Variants in SEMA4B observed in about 807,000 individuals in gnomAD.
SEMA4B encodes semaphorin-4B.
A neutral mutation model predicts 88.1 loss-of-function variants in SEMA4B; 55 were observed. That is an observed-to-expected ratio of 0.62 (90% CI 0.50 to 0.78). The LOEUF (loss-of-function observed/expected upper bound fraction) is 0.78, where lower values mean the gene tolerates loss of function less well. SEMA4B is among the 30% of genes least tolerant of loss of function. The pLI is 0.00. For synonymous variants in SEMA4B, 525 were observed against 473.6 expected, an observed-to-expected ratio of 1.11 and a Z score of -1.41; for missense variants, 1,062 against 1,111.9, an observed-to-expected ratio of 0.96 and a Z score of 0.64.
chr15:90,193,944 C>T (rs1462566294), intron 1 of SEMA4B, among the ~76,000 whole-genome samples: 2 of 151,604 alleles, frequency 1.3e-5, no homozygotes, highest in Admixed American at 6.6e-5. Flanking sequence ...CTCTGTCTCC[C>T]GGGTTCAAGC....
chr15:90,209,942 A>C (rs1961182695), intron 1 of SEMA4B, among the ~76,000 whole-genome samples: 1 of 152,136 alleles, frequency 6.6e-6, no homozygotes, highest in South Asian at 2.1e-4. Flanking sequence ...GTGCTATTGA[A>C]GTTTTTAGGC....
Position 90,225,078 on chromosome 15 carries a change from C to A in SEMA4B, c.1305C>A (p.Ser435Arg). 6.2e-7 allele frequency: 1 copy of A among 1,613,882 alleles called. No individual in the cohort carries two copies. Among genetic ancestry groups the A allele is most frequent in the Non-Finnish European group, 8.5e-7 (1 of 1,179,854 alleles). ...DHFLMDGQVR[S>R]RMLLLQPQAR... Reference sequence around the variant, plus strand: ...TCCTGATGGACGGGCAGGTCCGAAGCCGCATGCTGCTGCTGCAGCCCCAGG... The same window carrying A: ...TCCTGATGGACGGGCAGGTCCGAAGACGCATGCTGCTGCTGCAGCCCCAGG... Residue 435 changes from serine (S) to arginine (R), a missense_variant, in exon 10 of 14, where the codon AGC becomes AGA. Transcript: ENST00000411539.
rs751062515 is a variant in SEMA4B at position 90,228,741 on chromosome 15, C to T, written c.*98C>T. 1.9e-5 allele frequency: 29 copies of T among 1,506,588 alleles called. No individual in the cohort carries two copies. Among genetic ancestry groups the T allele is most frequent in the South Asian group, 2.4e-5 (2 of 82,942 alleles). 93.3% of individuals were successfully genotyped at this position (1,506,588 alleles called of 1,614,324 possible). On this transcript the variant is annotated 3_prime_UTR_variant, in exon 14 of 14. Transcript: ENST00000411539. The stretch of plus-strand genomic sequence containing the variant: ...CCTCCGCTCTGCTCTTCGTGGAACA[C>T]GACCGTGGTGCCCGGCCCTTGGGAG...
intron 1 of SEMA4B, among the ~76,000 whole-genome samples, chr15:90,215,283 A>G (rs1961480564): frequency 6.6e-6 from 1 of 151,548 alleles, no homozygotes; most frequent in Non-Finnish European, 1.5e-5. Context: ...CTTATTAGAG[A>G]ATCTAAAAAT....
chr15:90,225,919 A>G (rs2151627517), intron 12 of SEMA4B, 92 bp downstream of exon 12: 1 of 1,031,802 alleles, frequency 9.7e-7, no homozygotes, highest in Non-Finnish European at 1.3e-6. Context: ...ACCGCCACAC[A>G]GCCTCGTTTA....
intron 1 of SEMA4B, among the ~76,000 whole-genome samples, chr15:90,213,178 A>G (rs1961357189): frequency 6.6e-6 from 1 of 152,196 alleles, no homozygotes; most frequent in Non-Finnish European, 1.5e-5. Flanking sequence ...GCAAAGTGTT[A>G]TTATTTTCCC....
At chr15:90,195,926 T>TTTTTTCTTTTTC (rs1960486702) in intron 1 of SEMA4B, among the ~76,000 whole-genome samples, 1 of 111,420 alleles carries the variant, frequency 9.0e-6, no homozygotes, top group Non-Finnish European at 1.7e-5. Context: ...GTACTTCTCT[T>TTTTTTCTTTTTC]TTTTTTTTTT....
chr15:90,200,148 C>G (rs1960651932), upstream of SEMA4B, among the ~76,000 whole-genome samples: 1 of 152,186 alleles, frequency 6.6e-6, no homozygotes, highest in African/African-American at 2.4e-5. Flanking sequence ...GGGTGCTGTG[C>G]CCACCCTCTT....
At chr15:90,188,754 GC>G (rs1308480135) in intron 1 of SEMA4B, among the ~76,000 whole-genome samples, 1 of 151,826 alleles carries the variant, frequency 6.6e-6, no homozygotes, top group African/African-American at 2.4e-5. Context: ...TGCAAGCTCC[GC>G]CCCCCGGATT....
chr15:90,201,253 C>T, upstream of SEMA4B: 1 of 1,013,924 alleles, frequency 9.9e-7, no homozygotes, highest in South Asian at 4.7e-5. Context: ...CTGCCAGCGC[C>T]CGGGAAGGAG....
rs1962304438 is a variant in SEMA4B at position 90,228,371 on chromosome 15, C to G, written c.2242C>G (p.Leu748Val). The G allele has an allele frequency of 6.2e-7, 1 of 1,600,214 alleles. No homozygotes were observed. Among genetic ancestry groups the G allele is most frequent in the Admixed American group, 1.7e-5 (1 of 58,550 alleles). ...YRHRNSMKVFLKQGECASVHP... is the reference protein window; with the variant it reads ...YRHRNSMKVFVKQGECASVHP... The stretch of plus-strand genomic sequence containing the variant: ...GCACCGGAACAGCATGAAAGTCTTC[C>G]TGAAGCAGGGGGAATGTGCCAGCGT... The change falls in exon 14 of 14, where the codon CTG (leucine) becomes GTG (valine). Residue 748 changes from leucine (L) to valine (V), a missense_variant. Coordinates refer to ENST00000411539, the MANE Select transcript of SEMA4B (RefSeq NM_198925.4).
chr15:90,201,961 G>C (rs1216622215), intron 1 of SEMA4B, among the ~76,000 whole-genome samples: 2 of 152,232 alleles, frequency 1.3e-5, no homozygotes, highest in Non-Finnish European at 2.9e-5. Flanking sequence ...CGTAGGGATG[G>C]GGTCTAGCCC....
intron 1 of SEMA4B, among the ~76,000 whole-genome samples, chr15:90,208,019 G>A (rs1269777721): frequency 7.2e-5 from 11 of 152,172 alleles, no homozygotes; most frequent in Admixed American, 5.9e-4. Flanking sequence ...TTGGGAGGCC[G>A]AGGCGGGTGG....
chr15:90,203,659 C>T (rs1008485892), intron 1 of SEMA4B, among the ~76,000 whole-genome samples: 6 of 152,342 alleles, frequency 3.9e-5, no homozygotes, highest in South Asian at 4.1e-4. Context: ...GCTTCTGTCA[C>T]GCACCAGCAT....
chr15:90,226,747 T>G (rs1962192932), intron 12 of SEMA4B, among the ~76,000 whole-genome samples: 1 of 152,202 alleles, frequency 6.6e-6, no homozygotes, highest in African/African-American at 2.4e-5. Context: ...CAAGTGAGTT[T>G]TGGTGCGTAT....
intron 1 of SEMA4B, among the ~76,000 whole-genome samples, chr15:90,185,866 CAG>C (rs1212014924): frequency 1.3e-5 from 2 of 149,494 alleles, no homozygotes; most frequent in African/African-American, 4.9e-5. Flanking sequence ...CCCAAGATGA[CAG>C]TGAGTTAGTG....
chr15:90,213,552 C>T (rs1248886914), intron 1 of SEMA4B, among the ~76,000 whole-genome samples: 1 of 152,250 alleles, frequency 6.6e-6, no homozygotes, highest in Non-Finnish European at 1.5e-5. Context: ...CAGCCGGCTG[C>T]ACTCTGTAGT....
At chr15:90,219,257 G>A (rs111525443) in intron 3 of SEMA4B, 1,867 of 152,256 alleles carry the variant, frequency 0.012, 43 homozygotes, top group African/African-American at 0.043. Flanking sequence ...GACTGGGTTT[G>A]GGGCCTCAGC....
At chr15:90,210,331 G>A (rs1264426444) in intron 1 of SEMA4B, among the ~76,000 whole-genome samples, 1 of 152,316 alleles carries the variant, frequency 6.6e-6, no homozygotes, top group East Asian at 1.9e-4. Context: ...ACTTGGATGA[G>A]GAGATTTGGG....
Sources: allele counts gnomAD v4.1 joint callset (sites outside exome capture counted in the v4.1 genomes callset), GRCh38; gene constraint gnomAD v4.1.1; transcripts MANE v1.5; gene names NCBI Gene and HGNC (gene_info 2026-07-23, HGNC 2026-07-21).